GRM8: variants seen among roughly 807,000 people sequenced by gnomAD.
The protein encoded by GRM8 is glutamate metabotropic receptor 8, also known as metabotropic glutamate receptor 8.
In GRM8, 47 loss-of-function variants were observed where a neutral mutation model predicts 87.2. That is an observed-to-expected ratio of 0.54 (90% CI 0.43 to 0.69). The LOEUF is 0.69. Among genes scored for constraint, GRM8 ranks in the 30% least tolerant of loss-of-function variants. GRM8 has a pLI of 0.00. For synonymous variants in GRM8, 396 were observed against 404.5 expected (o/e 0.98, Z 0.25); for missense variants, 1,019 against 1,139.2 (o/e 0.89, Z 1.52).
chr7:127,193,093 T>C (rs1023618634), intron 2 of GRM8, among the ~76,000 whole-genome samples: 3 of 152,264 alleles, frequency 2.0e-5, no homozygotes, highest in South Asian at 2.1e-4. Flanking sequence ...CCTAATAGAT[T>C]ACACATTTTC....
At chr7:126,553,744 G>T (rs1792845004) in intron 8 of GRM8, among the ~76,000 whole-genome samples, 1 of 152,064 alleles carries the variant, frequency 6.6e-6, no homozygotes, top group African/African-American at 2.4e-5. Context: ...TACAAAATAT[G>T]GTTTCACTGC....
At chr7:126,836,002 T>A (rs1256372589) in intron 6 of GRM8, among the ~76,000 whole-genome samples, 2 of 152,170 alleles carry the variant, frequency 1.3e-5, no homozygotes, top group Non-Finnish European at 2.9e-5. Context: ...AAGGGTATCA[T>A]CCCATATTTT....
intron 3 of GRM8, among the ~76,000 whole-genome samples, chr7:126,921,216 A>G (rs1377134874): frequency 6.6e-6 from 1 of 152,224 alleles, no homozygotes; most frequent in East Asian, 1.9e-4. Flanking sequence ...CTAAAAGAAT[A>G]GAAACATTCA....
intron 3 of GRM8, among the ~76,000 whole-genome samples, chr7:127,005,332 G>A (rs375581761): frequency 2.6e-5 from 4 of 151,478 alleles, no homozygotes; most frequent in African/African-American, 9.7e-5. Flanking sequence ...TCTACATCTA[G>A]TATCTTTTCT....
At chr7:126,775,790 C>T (rs1216204413) in intron 6 of GRM8, among the ~76,000 whole-genome samples, 3 of 152,024 alleles carry the variant, frequency 2.0e-5, no homozygotes, top group Non-Finnish European at 4.4e-5. Flanking sequence ...GCCTTGGACA[C>T]CTTCCTGAAC....
intron 7 of GRM8, among the ~76,000 whole-genome samples, chr7:126,762,519 T>C (rs1176235181): frequency 6.6e-6 from 1 of 152,142 alleles, no homozygotes; most frequent in Non-Finnish European, 1.5e-5. Context: ...TTCTTGTTTA[T>C]GGACAGAAGA....
chr7:126,791,562 C>T (rs1022870888), intron 6 of GRM8, among the ~76,000 whole-genome samples: 1 of 152,186 alleles, frequency 6.6e-6, no homozygotes, highest in African/African-American at 2.4e-5. Flanking sequence ...CTTTCCCTTG[C>T]TTAGGAAATC....
chr7:126,993,696 G>A (rs957468034), intron 3 of GRM8, among the ~76,000 whole-genome samples: 4 of 152,118 alleles, frequency 2.6e-5, no homozygotes, highest in Admixed American at 2.6e-4. Context: ...GTGACTGGGG[G>A]ACTTTGCATT....
chr7:127,221,369 G>T (rs2116716481), intron 2 of GRM8, among the ~76,000 whole-genome samples: 1 of 152,196 alleles, frequency 6.6e-6, no homozygotes, highest in South Asian at 2.1e-4. Context: ...TTTTCCACCT[G>T]TCACCAGTGC....
chr7:126,555,475 A>C (rs1380197809), intron 8 of GRM8, among the ~76,000 whole-genome samples: 3 of 152,260 alleles, frequency 2.0e-5, no homozygotes, highest in Non-Finnish European at 2.9e-5. Flanking sequence ...AATATGATCC[A>C]AACATAAATC....
intron 2 of GRM8, among the ~76,000 whole-genome samples, chr7:127,201,371 C>A (rs1223500309): frequency 6.6e-6 from 1 of 152,198 alleles, no homozygotes; most frequent in African/African-American, 2.4e-5. Flanking sequence ...TAGTAAGTAA[C>A]AGATCTGGGG....
chr7:127,127,198 ACACT>A (rs1300384158), intron 2 of GRM8, among the ~76,000 whole-genome samples: 1 of 151,990 alleles, frequency 6.6e-6, no homozygotes, highest in Non-Finnish European at 1.5e-5. Context: ...GGGTATACAC[ACACT>A]CACATATGTA....
intron 2 of GRM8, among the ~76,000 whole-genome samples, chr7:127,205,810 T>C (rs2116593305): frequency 6.6e-6 from 1 of 152,260 alleles, no homozygotes; most frequent in South Asian, 2.1e-4. Flanking sequence ...CCTTCACCTT[T>C]CTCTTCACCC....
At chr7:126,978,762 TA>T (rs1811249471) in intron 3 of GRM8, among the ~76,000 whole-genome samples, 2 of 152,218 alleles carry the variant, frequency 1.3e-5, no homozygotes, top group Admixed American at 6.5e-5. Context: ...TGGTGCACAT[TA>T]AATCCTTACA....
intron 9 of GRM8, among the ~76,000 whole-genome samples, chr7:126,531,905 C>T (rs538197969): frequency 1.3e-5 from 2 of 152,254 alleles, no homozygotes; most frequent in South Asian, 2.1e-4. Flanking sequence ...TACCCCATGA[C>T]GTTTCATTTT....
At chr7:126,652,600 A>T (rs1804030285) in intron 7 of GRM8, among the ~76,000 whole-genome samples, 3 of 152,166 alleles carry the variant, frequency 2.0e-5, no homozygotes, top group Admixed American at 1.3e-4. Context: ...AAATGTGAAA[A>T]GACTAGACTG....
chr7:126,921,505 A>C lies in GRM8; in HGVS notation c.728-16822T>G, dbSNP rs192925315. 2.0e-3 allele frequency among the ~76,000 whole-genome samples: 307 copies of C among 152,246 alleles called. 2 individuals are homozygous for C. The highest frequency in any genetic ancestry group is 3.9e-3 in the Non-Finnish European group (268 of 68,012). On this transcript the variant is annotated intron_variant, in intron 3 of 10. Coordinates refer to ENST00000339582, the MANE Select transcript of GRM8 (RefSeq NM_000845.3). The stretch of plus-strand genomic sequence containing the variant: ...AGTTATAAAATACCAGCAAAAAGAA[A>C]AGAAAGGAAGGGGAAGGAAGAAAAC...
chr7:126,966,101 G>A (rs897020274), intron 3 of GRM8, among the ~76,000 whole-genome samples: 1 of 152,108 alleles, frequency 6.6e-6, no homozygotes, highest in Non-Finnish European at 1.5e-5. Context: ...TGATTTATGG[G>A]TATAGGAGGA....
intron 6 of GRM8, among the ~76,000 whole-genome samples, chr7:126,787,957 A>C (rs561549327): frequency 2.6e-5 from 4 of 152,172 alleles, no homozygotes; most frequent in African/African-American, 9.7e-5. Flanking sequence ...TCACCTAAAA[A>C]TTAAATATAT....
Sources: allele counts gnomAD v4.1 joint callset (sites outside exome capture counted in the v4.1 genomes callset), GRCh38; gene constraint gnomAD v4.1.1; transcripts MANE v1.5; gene names NCBI Gene and HGNC (gene_info 2026-07-23, HGNC 2026-07-21).